Variants in CHCHD6 observed in about 807,000 individuals in gnomAD.
CHCHD6 encodes the protein coiled-coil-helix-coiled-coil-helix domain containing 6.
In CHCHD6, 28 loss-of-function variants were observed where a neutral mutation model predicts 32.3. The observed-to-expected ratio is 0.87, with a 90% CI of 0.64 to 1.19. The LOEUF is 1.19. CHCHD6 is among the 50% of genes most tolerant of loss of function. CHCHD6 has a pLI of 0.00. For synonymous variants in CHCHD6, 122 were observed against 117.5 expected (o/e 1.04, Z -0.25); for missense variants, 333 against 307.0 (o/e 1.08, Z -0.63).
intron 4 of CHCHD6, among the ~76,000 whole-genome samples, chr3:126,807,157 C>T (rs1206077000): frequency 6.6e-6 from 1 of 151,146 alleles, no homozygotes; most frequent in Non-Finnish European, 1.5e-5. Flanking sequence ...ATGTAACTAA[C>T]CTTCACATTG....
At chr3:126,815,725 C>T (rs1362746974) in intron 4 of CHCHD6, among the ~76,000 whole-genome samples, 1 of 149,042 alleles carries the variant, frequency 6.7e-6, no homozygotes, top group Non-Finnish European at 1.5e-5. Context: ...ATCAGAAACA[C>T]ATAACTGGTC....
At chr3:126,905,749 G>A (rs1487669986) in intron 5 of CHCHD6, among the ~76,000 whole-genome samples, 1 of 152,106 alleles carries the variant, frequency 6.6e-6, no homozygotes, top group Non-Finnish European at 1.5e-5. Context: ...GAAAGGGAAG[G>A]AGTCAGGTGA....
At chr3:126,746,631 G>A (rs916597538) in intron 4 of CHCHD6, among the ~76,000 whole-genome samples, 17 of 152,252 alleles carry the variant, frequency 1.1e-4, no homozygotes, top group African/African-American at 3.1e-4. Flanking sequence ...CCTTATCTTC[G>A]TGCTGACACA....
intron 5 of CHCHD6, among the ~76,000 whole-genome samples, chr3:126,874,021 C>T (rs186230280): frequency 6.6e-6 from 1 of 152,280 alleles, no homozygotes; most frequent in East Asian, 1.9e-4. Flanking sequence ...TGGAGATGGC[C>T]CCTGCCCCGC....
rs967102422 is a variant in CHCHD6, at chr3:126,849,132, C to T, written c.412-3515C>T. On this transcript the variant is annotated intron_variant, in intron 4 of 7. Coordinates refer to ENST00000290913, the MANE Select transcript of CHCHD6 (RefSeq NM_032343.3). ...TTTAAGTAAACTGAAAACCCTGGCC[C>T]TCAGTGGAGGTCTTCAGAAGTTTTT... Among the ~76,000 whole-genome samples, 4 of 152,366 alleles carry T rather than the reference C, an allele frequency of 2.6e-5. No individual in the cohort carries two copies. The South Asian group carries it at 6.2e-4, about 24-fold the overall frequency.
At chr3:126,722,831 C>A (rs1026304103) in intron 1 of CHCHD6, among the ~76,000 whole-genome samples, 8 of 152,084 alleles carry the variant, frequency 5.3e-5, no homozygotes, top group Admixed American at 4.6e-4. Flanking sequence ...TTATTTATTT[C>A]TTTCATTGCT....
At chr3:126,897,084 C>T (rs372914448) in intron 5 of CHCHD6, among the ~76,000 whole-genome samples, 1 of 152,158 alleles carries the variant, frequency 6.6e-6, no homozygotes, top group Non-Finnish European at 1.5e-5. Context: ...GGATGAGGGG[C>T]AGAGCATCAG....
intron 5 of CHCHD6, among the ~76,000 whole-genome samples, chr3:126,862,717 T>C: frequency 3.1e-5 from 1 of 32,344 alleles, no homozygotes; most frequent in Non-Finnish European, 5.9e-5. Flanking sequence ...CTCCTCCTCC[T>C]CTACCATCAC....
At chr3:126,779,132 A>G (rs1237143589) in intron 4 of CHCHD6, among the ~76,000 whole-genome samples, 1 of 152,136 alleles carries the variant, frequency 6.6e-6, no homozygotes, top group Non-Finnish European at 1.5e-5. Flanking sequence ...TATAGGCATG[A>G]ACCACTGTGC....
At chr3:126,824,284 G>A (rs1001238828) in intron 4 of CHCHD6, among the ~76,000 whole-genome samples, 16 of 151,248 alleles carry the variant, frequency 1.1e-4, no homozygotes, top group African/African-American at 3.7e-4. Flanking sequence ...ACATTTGGCC[G>A]GGCACAGTGG....
chr3:126,865,358 C>CCCACCACCA (rs566568983), intron 5 of CHCHD6, among the ~76,000 whole-genome samples: 1 of 150,686 alleles, frequency 6.6e-6, no homozygotes, highest in Non-Finnish European at 1.5e-5. Flanking sequence ...CCCTTCTGCC[C>CCCACCACCA]CCACCACCAC....
intron 5 of CHCHD6, among the ~76,000 whole-genome samples, chr3:126,868,027 A>G (rs1167687075): frequency 2.0e-5 from 3 of 152,148 alleles, no homozygotes; most frequent in Non-Finnish European, 4.4e-5. Context: ...CACACCTGGC[A>G]TGCAGTCCAG....
At chr3:126,864,902 CCTCCACCATCACCTT>C in intron 5 of CHCHD6, among the ~76,000 whole-genome samples, 2 of 147,788 alleles carry the variant, frequency 1.4e-5, no homozygotes, top group African/African-American at 2.5e-5. Context: ...ATCACCTCCT[CCTCCACCATCACCTT>C]CTCCTCCACC....
chr3:126,766,974 G>A, intron 4 of CHCHD6: 2 of 924,922 alleles, frequency 2.2e-6, no homozygotes, highest in Non-Finnish European at 3.5e-6. Flanking sequence ...CCAGTGTGTG[G>A]TTAGCGCCAC....
intron 1 of CHCHD6, among the ~76,000 whole-genome samples, chr3:126,715,899 C>G (rs1559800519): frequency 6.6e-6 from 1 of 152,226 alleles, no homozygotes. Context: ...CTATTCCGTC[C>G]ATTCCCTTTT....
In CHCHD6 at chr3:126,909,433, T is replaced by TCCCTCA. The variant is rs1200438435; in HGVS notation, c.496-5236_496-5231dup. 1.4e-4 allele frequency among the ~76,000 whole-genome samples: 21 copies of TCCCTCA among 152,280 alleles called. No homozygotes were observed. In the East Asian group the frequency reaches 3.9e-3, roughly 28 times the overall value. ...CCTTCCCCGGCCTCCTCACCATGCT[T>TCCCTCA]CCCTCACCCTCACCCTTGCTTTTGA... On this transcript the variant is annotated intron_variant, in intron 5 of 7. Transcript: ENST00000290913.
At chr3:126,757,871 A>G (rs1046877169) in intron 4 of CHCHD6, among the ~76,000 whole-genome samples, 4 of 152,196 alleles carry the variant, frequency 2.6e-5, no homozygotes, top group African/African-American at 9.6e-5. Flanking sequence ...TTAAAAAAGA[A>G]GAGGGAGGAG....
At chr3:126,874,862 C>A (rs1024390068) in intron 5 of CHCHD6, among the ~76,000 whole-genome samples, 1 of 152,276 alleles carries the variant, frequency 6.6e-6, no homozygotes, top group African/African-American at 2.4e-5. Context: ...GGTGTCCTAG[C>A]CCCTTCTGGC....
chr3:126,915,618 A>G (rs1312140798), intron 6 of CHCHD6, among the ~76,000 whole-genome samples: 1 of 152,200 alleles, frequency 6.6e-6, no homozygotes, highest in Non-Finnish European at 1.5e-5. Context: ...AGGGCACAGA[A>G]TTGTGAGCAG....
Sources: allele counts gnomAD v4.1 joint callset (sites outside exome capture counted in the v4.1 genomes callset), GRCh38; gene constraint gnomAD v4.1.1; transcripts MANE v1.5; gene names NCBI Gene and HGNC (gene_info 2026-07-23, HGNC 2026-07-21).